The following SGCZ variants were observed in gnomAD, a reference collection of about 807,000 sequenced individuals.
SGCZ encodes sarcoglycan zeta.
Under a neutral mutation model 41.3 loss-of-function variants are expected in SGCZ, and 40 were observed. The observed-to-expected ratio is 0.97, with a 90% CI of 0.75 to 1.26. SGCZ has a LOEUF of 1.26. Among genes scored for constraint, SGCZ ranks in the 50% most tolerant of loss-of-function variants. SGCZ has a pLI of 0.00. For synonymous variants in SGCZ, 206 were observed against 137.5 expected (o/e 1.50, Z -3.49); for missense variants, 552 against 369.8 (o/e 1.49, Z -4.04).
intron 1 of SGCZ, among the ~76,000 whole-genome samples, chr8:15,141,334 A>G (rs1808313030): frequency 6.6e-6 from 1 of 152,216 alleles, no homozygotes; most frequent in Non-Finnish European, 1.5e-5. Context: ...TTGACTTTAC[A>G]CAGTATTTCA....
intron 1 of SGCZ, among the ~76,000 whole-genome samples, chr8:15,200,984 C>T (rs1332276280): frequency 2.6e-5 from 4 of 152,054 alleles, no homozygotes; most frequent in Non-Finnish European, 5.9e-5. Context: ...AACTCTCTCC[C>T]TTCCCCCACT....
chr8:14,866,408 C>A lies in SGCZ; in HGVS notation c.40-311482G>T, dbSNP rs188777817. 2.0e-4 allele frequency among the ~76,000 whole-genome samples: 31 copies of A among 152,126 alleles called. No homozygotes were observed. The East Asian group carries it at 6.0e-3, about 29-fold the overall frequency. ...CATCTTTTGAGACTCTGAGAACAAGCACAGTCATTATTCTGGTACTATGAC... is the reference window on the plus strand; with the variant it reads ...CATCTTTTGAGACTCTGAGAACAAGAACAGTCATTATTCTGGTACTATGAC... On this transcript the variant is annotated intron_variant, in intron 1 of 7. Transcript: ENST00000382080.
intron 3 of SGCZ, among the ~76,000 whole-genome samples, chr8:14,269,000 G>C (rs1799968845): frequency 6.6e-6 from 1 of 151,654 alleles, no homozygotes. Context: ...ATAGAAAATA[G>C]AAGAGTAAAA....
chr8:15,010,234 A>C (rs934788140), intron 1 of SGCZ, among the ~76,000 whole-genome samples: 2 of 152,190 alleles, frequency 1.3e-5, no homozygotes, highest in African/African-American at 4.8e-5. Context: ...CAATGCAAAT[A>C]ATTTCTTAAT....
At chr8:14,782,723 A>G (rs565373418) in intron 1 of SGCZ, among the ~76,000 whole-genome samples, 1 of 148,894 alleles carries the variant, frequency 6.7e-6, no homozygotes, top group African/African-American at 2.4e-5. Context: ...ACAGAAACAA[A>G]CAAGGAACCT....
chr8:14,158,328 T>A (rs933414784), intron 5 of SGCZ, among the ~76,000 whole-genome samples: 1 of 152,124 alleles, frequency 6.6e-6, no homozygotes, highest in Non-Finnish European at 1.5e-5. Flanking sequence ...TCCTAATAAA[T>A]TGACCTTAAA....
chr8:14,240,327 C>CAAAAAAAAAAAAAAAAAAAAA (rs59351247), intron 3 of SGCZ, among the ~76,000 whole-genome samples: 23 of 115,230 alleles, frequency 2.0e-4, no homozygotes, highest in Non-Finnish European at 3.3e-4. Context: ...AACTCTGTGT[C>CAAAAAAAAAAAAAAAAAAAAA]AAAAAAAAAA....
At chr8:15,019,912 C>T (rs1391701550) in intron 1 of SGCZ, among the ~76,000 whole-genome samples, 1 of 150,124 alleles carries the variant, frequency 6.7e-6, no homozygotes, top group Admixed American at 6.7e-5. Flanking sequence ...TGCAGATTAG[C>T]TTTGCATTCA....
At chr8:14,687,169 A>ATAT (rs1315442922) in intron 1 of SGCZ, among the ~76,000 whole-genome samples, 3 of 127,052 alleles carry the variant, frequency 2.4e-5, no homozygotes, top group South Asian at 4.5e-4. Context: ...AAAGAAAAAA[A>ATAT]AAATATATAT....
intron 1 of SGCZ, among the ~76,000 whole-genome samples, chr8:14,780,835 T>A (rs1267662242): frequency 1.3e-5 from 2 of 152,170 alleles, no homozygotes; most frequent in Non-Finnish European, 2.9e-5. Flanking sequence ...GAGGAATGAT[T>A]TTTTCTTTTG....
chr8:14,991,709 C>T (rs1802020267), intron 1 of SGCZ, among the ~76,000 whole-genome samples: 1 of 151,670 alleles, frequency 6.6e-6, no homozygotes, highest in South Asian at 2.1e-4. Flanking sequence ...CCAACCTACT[C>T]CCCAAATTAG....
intron 4 of SGCZ, among the ~76,000 whole-genome samples, chr8:14,232,944 G>A (rs1429441577): frequency 6.6e-6 from 1 of 151,978 alleles, no homozygotes; most frequent in African/African-American, 2.4e-5. Context: ...TCACCTTAAT[G>A]TTTTACTGGG....
intron 2 of SGCZ, among the ~76,000 whole-genome samples, chr8:14,541,334 TG>T (rs1469121193): frequency 1.3e-5 from 2 of 151,962 alleles, no homozygotes; most frequent in African/African-American, 4.8e-5. Flanking sequence ...TGATATGTGA[TG>T]TTCCCCTCCC....
chr8:14,334,638 A>T (rs1397278266), intron 2 of SGCZ, among the ~76,000 whole-genome samples: 1 of 151,964 alleles, frequency 6.6e-6, no homozygotes, highest in Non-Finnish European at 1.5e-5. Flanking sequence ...CCCAGCACAA[A>T]TTTCTTATTT....
intron 1 of SGCZ, among the ~76,000 whole-genome samples, chr8:14,633,638 G>A (rs1035005448): frequency 6.6e-6 from 1 of 151,620 alleles, no homozygotes; most frequent in East Asian, 1.9e-4. Flanking sequence ...TATCTAATTA[G>A]GGAAGTCATA....
At chr8:14,618,155 A>G (rs1267989549) in intron 1 of SGCZ, among the ~76,000 whole-genome samples, 1 of 152,154 alleles carries the variant, frequency 6.6e-6, no homozygotes, top group East Asian at 1.9e-4. Flanking sequence ...CTTGACAATA[A>G]AATAACCAAA....
chr8:14,373,290 TTAAC>T (rs1454321262), intron 2 of SGCZ, among the ~76,000 whole-genome samples: 1 of 152,200 alleles, frequency 6.6e-6, no homozygotes, highest in Non-Finnish European at 1.5e-5. Flanking sequence ...CGATGCATAA[TTAAC>T]AGTTTCATTT....
intron 1 of SGCZ, among the ~76,000 whole-genome samples, chr8:15,088,674 A>G (rs1056223435): frequency 2.6e-5 from 4 of 151,926 alleles, no homozygotes; most frequent in Non-Finnish European, 4.4e-5. Flanking sequence ...TCCCTTGCTG[A>G]TAAGACACCC....
chr8:14,427,063 AAT>A (rs1799805871), intron 2 of SGCZ, among the ~76,000 whole-genome samples: 6 of 94,700 alleles, frequency 6.3e-5, no homozygotes, highest in Non-Finnish European at 1.4e-4. Flanking sequence ...TGAATGAATG[AAT>A]GAGTGAATGA....
Sources: gnomAD v4.1 joint callset for allele counts (sites outside exome capture counted in the v4.1 genomes callset) on GRCh38, gnomAD v4.1.1 for gene constraint, MANE v1.5 for transcripts, NCBI Gene and HGNC (gene_info 2026-07-23, HGNC 2026-07-21) for gene names.